UNC13C: variants seen among roughly 807,000 people sequenced by gnomAD.
The protein encoded by UNC13C is unc-13 homolog C, also known as protein unc-13 homolog C.
A neutral mutation model predicts 245.4 loss-of-function variants in UNC13C; 174 were observed. The ratio of observed to expected loss-of-function variants is 0.71; its 90% confidence interval spans 0.63 to 0.80. The LOEUF is 0.80. Among genes scored for constraint, UNC13C ranks in the 30% least tolerant of loss-of-function variants. The pLI, the probability that UNC13C is intolerant of heterozygous loss-of-function variation, is 0.00. For missense variants in UNC13C, 2,829 were observed against 2,602.9 expected (o/e 1.09, Z -1.89); for synonymous variants, 992 against 895.1 (o/e 1.11, Z -1.93).
At chr15:54,123,313 T>C (rs2030807380) in intron 2 of UNC13C, among the ~76,000 whole-genome samples, 1 of 151,750 alleles carries the variant, frequency 6.6e-6, no homozygotes, top group Non-Finnish European at 1.5e-5. Context: ...ATTCTAGATA[T>C]AACTAGAGAG....
intron 4 of UNC13C, among the ~76,000 whole-genome samples, chr15:54,226,022 G>A (rs2035370665): frequency 6.6e-6 from 1 of 152,172 alleles, no homozygotes; most frequent in African/African-American, 2.4e-5. Context: ...ATGAAGAGAT[G>A]TTGAATTTGA....
At position 54,014,677 on chromosome 15, in the gene UNC13C, G is replaced by A. The variant is rs868526038; in HGVS notation, c.1774G>A (p.Glu592Lys). ...SDRELWQRKQ[E>K]GTATLYDSPK... ...CCGGGAGCTATGGCAGAGGAAACAG[G>A]AAGGAACAGCGACCCTGTATGACAG... Residue 592 changes from glutamate to lysine, a missense_variant, in exon 2 of 33, where the codon GAA (glutamate) becomes AAA (lysine). Glu to Lys is a moderately conservative substitution (Grantham distance 56). Transcript: ENST00000260323. 5 of 1,613,724 alleles carry A rather than the reference G, an allele frequency of 3.1e-6. No homozygotes were observed. The highest frequency in any genetic ancestry group is 4.2e-6 in the Non-Finnish European group (5 of 1,179,828).
chr15:54,264,623 TC>T (rs575759880), intron 9 of UNC13C, among the ~76,000 whole-genome samples: 3,187 of 151,498 alleles, frequency 0.021, 59 homozygotes, highest in Admixed American at 0.07. Flanking sequence ...GGAAAAAGTT[TC>T]TGTTTTTCAA....
At position 54,264,374 on chromosome 15, in the gene UNC13C, T is replaced by C. The variant is rs2036502557; in HGVS notation, c.3655T>C (p.Ser1219Pro). 6.3e-7 allele frequency: 1 copy of C among 1,597,226 alleles called. No individual in the cohort carries two copies. The highest frequency in any genetic ancestry group is 2.2e-5 in the East Asian group (1 of 44,448). Reference protein sequence around the residue: ...QSVLDGTSKWSAKITITVVSA... With the variant: ...QSVLDGTSKWPAKITITVVSA... ...TGTACTGGATGGGACATCTAAGTGG[T>C]CTGCAAAAATAACCATTACAGGTAA... Residue 1219 changes from serine (S) to proline (P), a missense_variant, in exon 9 of 33, where the codon TCT becomes CCT. Transcript: ENST00000260323.
At chr15:53,859,113 A>G in the UNC13C span, among the ~76,000 whole-genome samples, 2 of 152,164 alleles carry the variant, frequency 1.3e-5, no homozygotes, top group African/African-American at 4.8e-5. Context: ...CTAGTTAACT[A>G]GCATTCACCA....
intron 13 of UNC13C, among the ~76,000 whole-genome samples, chr15:54,307,804 G>A (rs1023334111): frequency 1.6e-4 from 25 of 151,868 alleles, no homozygotes; most frequent in African/African-American, 5.6e-4. Flanking sequence ...GCAACCCATA[G>A]CATCTTTGAG....
chr15:54,603,875 T>C (rs929662224), intron 30 of UNC13C, among the ~76,000 whole-genome samples: 1 of 151,962 alleles, frequency 6.6e-6, no homozygotes, highest in Admixed American at 6.6e-5. Flanking sequence ...AAAACTTCTG[T>C]CTAGATAGAC....
intron 11 of UNC13C, among the ~76,000 whole-genome samples, chr15:54,296,446 C>T (rs28489407): frequency 0.029 from 4,279 of 149,712 alleles, 201 homozygotes; most frequent in African/African-American, 0.1. Context: ...TCTCGATCTC[C>T]TGACCTCGTG....
At chr15:54,624,290 G>A (rs755132146) in intron 32 of UNC13C, among the ~76,000 whole-genome samples, 5 of 152,170 alleles carry the variant, frequency 3.3e-5, no homozygotes, top group Non-Finnish European at 7.4e-5. Flanking sequence ...GCTATGACTA[G>A]CTGCTTTGCC....
chr15:53,852,971 G>A, the UNC13C span, among the ~76,000 whole-genome samples: 2 of 151,618 alleles, frequency 1.3e-5, no homozygotes, highest in African/African-American at 4.8e-5. Context: ...CACGCACTCT[G>A]CCTCCTCCCC....
chr15:53,920,774 C>T, the UNC13C span, among the ~76,000 whole-genome samples: 1 of 150,792 alleles, frequency 6.6e-6, no homozygotes, highest in Non-Finnish European at 1.5e-5. Flanking sequence ...TTGCATGTTA[C>T]AGGTGCTCTA....
intron 4 of UNC13C, among the ~76,000 whole-genome samples, chr15:54,214,549 A>G (rs903897492): frequency 3.3e-5 from 5 of 151,956 alleles, no homozygotes; most frequent in Non-Finnish European, 5.9e-5. Flanking sequence ...GCTAATTTTC[A>G]TTAGTGATAG....
At position 54,014,826 on chromosome 15, in the gene UNC13C, T is replaced by C; in HGVS notation, c.1923T>C (p.Ser641=). 6.2e-7 allele frequency: 1 copy of C among 1,613,658 alleles called. No individual in the cohort carries two copies. Among genetic ancestry groups the C allele is most frequent in the South Asian group, 1.1e-5 (1 of 91,050 alleles). The change falls in exon 2 of 33, where the codon AGT becomes AGC. Residue 641 remains serine, a synonymous_variant. Transcript: ENST00000260323. ...TGGTGTGTGCATCTGGAGACCGGAG[T>C]CATTACAGTGATTCTCAGCTCTCTT... ...NGMVCASGDR[S]HYSDSQLSLH...
At chr15:54,395,468 A>T (rs2040050422) in intron 18 of UNC13C, among the ~76,000 whole-genome samples, 1 of 151,846 alleles carries the variant, frequency 6.6e-6, no homozygotes, top group Admixed American at 6.6e-5. Flanking sequence ...GAGTCAGAAA[A>T]CCTGCAATTG....
chr15:54,053,090 T>C (rs1352663834), intron 2 of UNC13C, among the ~76,000 whole-genome samples: 1 of 152,106 alleles, frequency 6.6e-6, no homozygotes, highest in African/African-American at 2.4e-5. Context: ...ACTTCTGCCA[T>C]CCATGTTCAA....
At chr15:54,123,492 A>T (rs866218118) in intron 2 of UNC13C, among the ~76,000 whole-genome samples, 1 of 152,020 alleles carries the variant, frequency 6.6e-6, no homozygotes, top group African/African-American at 2.4e-5. Flanking sequence ...TGCAAAGAGC[A>T]TAACTTTAAA....
intron 4 of UNC13C, among the ~76,000 whole-genome samples, chr15:54,215,510 C>T (rs978162531): frequency 6.6e-6 from 1 of 151,818 alleles, no homozygotes; most frequent in East Asian, 1.9e-4. Context: ...TTCAAAGGAA[C>T]AAAGGTTTGA....
At chr15:54,138,591 A>G (rs1315457806) in intron 2 of UNC13C, among the ~76,000 whole-genome samples, 1 of 152,154 alleles carries the variant, frequency 6.6e-6, no homozygotes, top group Non-Finnish European at 1.5e-5. Flanking sequence ...AAAGTCATAG[A>G]ACATAATTTT....
chr15:54,009,942 C>T (rs1895309545), intron 1 of UNC13C, among the ~76,000 whole-genome samples: 1 of 152,156 alleles, frequency 6.6e-6, no homozygotes, highest in Non-Finnish European at 1.5e-5. Context: ...TCTTAAATTT[C>T]AAAACTGTCT....
Sources: allele counts gnomAD v4.1 joint callset (sites outside exome capture counted in the v4.1 genomes callset), GRCh38; gene constraint gnomAD v4.1.1; transcripts MANE v1.5; gene names NCBI Gene and HGNC (gene_info 2026-07-23, HGNC 2026-07-21).